The following PDE10A variants were observed in gnomAD, a reference collection of about 807,000 sequenced individuals.
PDE10A encodes phosphodiesterase 10A, also known as cAMP and cAMP-inhibited cGMP 3',5'-cyclic phosphodiesterase 10A.
PDE10A carries 39 observed loss-of-function variants against 97.7 expected under a neutral mutation model. That is an observed-to-expected ratio of 0.40 (90% CI 0.31 to 0.52). PDE10A has a LOEUF of 0.52. Among genes scored for constraint, PDE10A ranks in the 20% least tolerant of loss-of-function variants. The pLI, the probability that PDE10A is intolerant of heterozygous loss-of-function variation, is 0.56. For synonymous variants in PDE10A, 371 were observed against 376.8 expected, an observed-to-expected ratio of 0.98 and a Z score of 0.18; for missense variants, 731 against 1,047.8, an observed-to-expected ratio of 0.70 and a Z score of 4.17.
intron 17 of PDE10A, among the ~76,000 whole-genome samples, chr6:165,384,640 G>A (rs1310882491): frequency 1.0e-5 from 1 of 98,728 alleles, no homozygotes; most frequent in Non-Finnish European, 2.0e-5. Flanking sequence ...GAGTGTGTGT[G>A]TGTGTGTGTG....
chr6:165,808,638 T>A (rs1779201540), intron 1 of PDE10A, among the ~76,000 whole-genome samples: 1 of 152,240 alleles, frequency 6.6e-6, no homozygotes, highest in Non-Finnish European at 1.5e-5. Flanking sequence ...ACATCTCATA[T>A]CTTACATTTT....
chr6:165,951,511 C>T (rs1482748409), intron 1 of PDE10A, among the ~76,000 whole-genome samples: 1 of 152,114 alleles, frequency 6.6e-6, no homozygotes, highest in Non-Finnish European at 1.5e-5. Context: ...ATTGCCCCTC[C>T]CACTGGTCCT....
intron 2 of PDE10A, among the ~76,000 whole-genome samples, chr6:165,523,764 C>CA (rs536519562): frequency 1.3e-5 from 2 of 152,000 alleles, no homozygotes; most frequent in Non-Finnish European, 2.9e-5. Context: ...CAAAAATTGA[C>CA]AAAAAACCTA....
At chr6:165,597,558 C>T (rs1786673115) in intron 1 of PDE10A, among the ~76,000 whole-genome samples, 3 of 152,078 alleles carry the variant, frequency 2.0e-5, no homozygotes, top group South Asian at 2.1e-4. Flanking sequence ...GATATTAATG[C>T]GACCAATAAA....
At chr6:165,911,625 G>A (rs1332425953) in intron 1 of PDE10A, among the ~76,000 whole-genome samples, 1 of 152,162 alleles carries the variant, frequency 6.6e-6, no homozygotes, top group African/African-American at 2.4e-5. Flanking sequence ...TCAACATGAG[G>A]CTTTGCCCCA....
chr6:165,987,739 C>A, exon 1 of PDE10A: 1 of 456,472 alleles, frequency 2.2e-6, no homozygotes, highest in Non-Finnish European at 4.4e-6. Flanking sequence ...TCGCGCGCTC[C>A]GCTCAGCAGG....
At chr6:165,899,421 G>C (rs1782043401) in intron 1 of PDE10A, among the ~76,000 whole-genome samples, 1 of 152,172 alleles carries the variant, frequency 6.6e-6, no homozygotes, top group Admixed American at 6.5e-5. Context: ...CATGAATATT[G>C]ACTGAGAGTC....
In PDE10A at chr6:165,468,262, T is replaced by A. The variant is rs577281; in HGVS notation, c.1023+14053A>T. 2.7e-3 allele frequency among the ~76,000 whole-genome samples: 416 copies of A among 151,508 alleles called. 3 individuals are homozygous for A. The highest frequency in any genetic ancestry group is 3.8e-3 in the African/African-American group (158 of 41,372). ...CTAGGCTAATTTTTTTTTATTTTTT[T>A]TTTTTTTAGTAGAGATGGGGTTTCA... is the stretch of plus-strand genomic sequence containing the variant. On this transcript the variant is annotated intron_variant, in intron 3 of 21. Coordinates refer to ENST00000539869, the MANE Select transcript of PDE10A (RefSeq NM_001385079.1).
chr6:165,375,165 A>T (rs770255815), intron 18 of PDE10A, among the ~76,000 whole-genome samples: 1 of 152,220 alleles, frequency 6.6e-6, no homozygotes, highest in Non-Finnish European at 1.5e-5. Flanking sequence ...AAAAAAAGTC[A>T]TATGTCTCTC....
chr6:165,760,512 G>A (rs1469422472), intron 1 of PDE10A, among the ~76,000 whole-genome samples: 1 of 152,182 alleles, frequency 6.6e-6, no homozygotes, highest in African/African-American at 2.4e-5. Flanking sequence ...CCTTCTGTGT[G>A]CTTTTATCAT....
At chr6:165,817,017 G>C (rs1339074821) in intron 1 of PDE10A, among the ~76,000 whole-genome samples, 1 of 152,128 alleles carries the variant, frequency 6.6e-6, no homozygotes, top group African/African-American at 2.4e-5. Flanking sequence ...CCCAGTGTTA[G>C]GGGGAAGAAA....
chr6:165,884,953 G>T (rs941175363), intron 1 of PDE10A, among the ~76,000 whole-genome samples: 3 of 152,200 alleles, frequency 2.0e-5, no homozygotes, highest in African/African-American at 7.2e-5. Flanking sequence ...TAATTGCAAG[G>T]CTGTGTCGTC....
chr6:165,830,405 A>G (rs1779876935), intron 1 of PDE10A, among the ~76,000 whole-genome samples: 1 of 152,152 alleles, frequency 6.6e-6, no homozygotes, highest in African/African-American at 2.4e-5. Context: ...TCTAGAATAC[A>G]TTCCAAAGCC....
At chr6:165,518,525 C>T (rs575702070) in intron 2 of PDE10A, among the ~76,000 whole-genome samples, 2 of 152,252 alleles carry the variant, frequency 1.3e-5, no homozygotes, top group Admixed American at 6.5e-5. Context: ...CGGGATCAAC[C>T]GTCCTGGTAT....
chr6:165,734,191 C>T (rs549057585), intron 1 of PDE10A, among the ~76,000 whole-genome samples: 1 of 152,278 alleles, frequency 6.6e-6, no homozygotes, highest in East Asian at 1.9e-4. Context: ...ATCCTCACAC[C>T]TAACATGGAT....
intron 1 of PDE10A, among the ~76,000 whole-genome samples, chr6:165,921,458 A>G (rs985561733): frequency 6.6e-6 from 1 of 152,244 alleles, no homozygotes; most frequent in Non-Finnish European, 1.5e-5. Context: ...ATAAACAATG[A>G]CATCATAAAT....
At chr6:165,430,184 C>T in intron 9 of PDE10A, 103 bp downstream of exon 9, 1 of 737,906 alleles carries the variant, frequency 1.4e-6, no homozygotes, top group Non-Finnish European at 2.3e-6. Context: ...GACGGATCTT[C>T]AGTTATCAGC....
At chr6:165,969,635 C>T (rs1352541573) in intron 1 of PDE10A, among the ~76,000 whole-genome samples, 2 of 151,824 alleles carry the variant, frequency 1.3e-5, no homozygotes, top group African/African-American at 4.8e-5. Flanking sequence ...AGATTAAATA[C>T]AGAAAAAAAT....
At chr6:165,841,342 G>C (rs995805408) in intron 1 of PDE10A, among the ~76,000 whole-genome samples, 2 of 152,230 alleles carry the variant, frequency 1.3e-5, no homozygotes, top group Non-Finnish European at 2.9e-5. Context: ...TGGCTCCAAA[G>C]GGCCCATGGA....
Sources: allele counts gnomAD v4.1 joint callset (sites outside exome capture counted in the v4.1 genomes callset), GRCh38; gene constraint gnomAD v4.1.1; transcripts MANE v1.5; gene names NCBI Gene and HGNC (gene_info 2026-07-23, HGNC 2026-07-21).